The following SKOR2 variants were observed in gnomAD, a reference collection of about 807,000 sequenced individuals.
SKOR2 encodes the protein LBX1 corepressor 1-like protein.
In SKOR2, 47 loss-of-function variants were observed where a neutral mutation model predicts 69.1. The observed-to-expected ratio is 0.68, with a 90% CI of 0.54 to 0.87. The LOEUF (loss-of-function observed/expected upper bound fraction) is 0.87, where lower values mean the gene tolerates loss of function less well. Ranked by LOEUF, SKOR2 falls within the 40% of genes least tolerant of loss-of-function variation. The pLI, the probability that SKOR2 is intolerant of heterozygous loss-of-function variation, is 0.00. For missense variants in SKOR2, 1,404 were observed against 1,472.2 expected (o/e 0.95, Z 0.76); for synonymous variants, 717 against 672.6 (o/e 1.07, Z -1.02).
rs918936029 is a variant in SKOR2, at chr18:47,246,834, C to T, written c.2350G>A (p.Gly784Ser). 3.4e-6 allele frequency: 5 copies of T among 1,468,706 alleles called. No homozygotes were observed. The African/African-American group carries it at 7.3e-5, about 22-fold the overall frequency. The allele number at this position is 1,468,706 out of a possible 1,614,324, so 91.0% of individuals were successfully genotyped here. A position where few individuals can be genotyped will look rare whatever the true frequency, so the allele number is the denominator to read the frequency against. The change falls in exon 2 of 9, where the codon GGC (glycine) becomes AGC (serine). Residue 784 changes from glycine (G) to serine (S), a missense_variant. By Grantham distance (56) the Gly-to-Ser change is moderately conservative. Transcript: ENST00000425639. ...CCTCGGCCCTGGAGGAACCGGCCGC[C>T]CCCGACTAAGGGGTCGCCGAGTAGG... The part of the protein sequence containing the change: ...EVLLGDPLVG[G>S]GRFLQGRGPS...
intron 8 of SKOR2, among the ~76,000 whole-genome samples, chr18:47,210,182 G>A (rs1022198248): frequency 5.9e-5 from 9 of 152,160 alleles, no homozygotes; most frequent in Non-Finnish European, 2.9e-5. Context: ...TTTACATAAA[G>A]TTCAAAAACA....
At chr18:47,240,891 G>T (rs2064245579) in intron 4 of SKOR2, among the ~76,000 whole-genome samples, 1 of 152,142 alleles carries the variant, frequency 6.6e-6, no homozygotes. Flanking sequence ...GACTTATCAG[G>T]CAGTTTGAAA....
Position 47,248,350 on chromosome 18 carries a change from G to A in SKOR2, c.834C>T (p.Gly278=), listed in dbSNP as rs1189959538. ...AAVAGGGGLL[G]PHLLGAPPPP... is the part of the protein sequence containing the mutation. ...GCGGGGGCGCACCCAGCAGGTGGGG[G>A]CCCAGCAGACCCCCGCCTCCGGCCA... The change falls in exon 2 of 9, where the codon GGC becomes GGT. Residue 278 remains glycine (G), a synonymous_variant. Transcript: ENST00000425639. This position sits in a 1 kb window ranked among gnomAD's most constrained non-coding sequence, Gnocchi z 6.4. 8 of 1,261,596 alleles carry A rather than the reference G, an allele frequency of 6.3e-6. No individual in the cohort carries two copies. Among genetic ancestry groups the A allele is most frequent in the Middle Eastern group, 2.9e-4 (1 of 3,408 alleles). The allele number at this position is 1,261,596 out of a possible 1,614,324, so 78.2% of individuals were successfully genotyped here.
intron 6 of SKOR2, among the ~76,000 whole-genome samples, chr18:47,226,850 G>C (rs2064180434): frequency 6.6e-6 from 1 of 152,176 alleles, no homozygotes; most frequent in Non-Finnish European, 1.5e-5. Flanking sequence ...TATTGTTATA[G>C]TGTTGAAAAG....
rs938752363 is a variant in SKOR2, at chr18:47,247,286, G to A, written c.1898C>T (p.Ala633Val). ...CCCGTGCAGCTTGGCCAGGCTCTCC[G>A]CGTCGTCCTTGCCGCCCACTGGCCG... ...AFRPVGGKDD[A>V]ESLAKLHGAS... The change falls in exon 2 of 9, where the codon GCG (alanine) becomes GTG (valine). Residue 633 changes from alanine to valine, a missense_variant. By Grantham distance (64) the Ala-to-Val change is moderately conservative. This residue lies in a region of SKOR2 where 1,266 missense variants were observed against 1,309.9 expected (regional missense o/e 0.97). Coordinates refer to ENST00000425639, the MANE Select transcript of SKOR2 (RefSeq NM_001278063.4). The surrounding 1 kb of genome is among the most constrained non-coding windows in gnomAD (Gnocchi z 6.6). 4.7e-6 allele frequency: 7 copies of A among 1,482,492 alleles called. No individual in the cohort carries two copies. The African/African-American group carries it at 7.3e-5, about 15-fold the overall frequency. The allele number at this position is 1,482,492 out of a possible 1,614,324, so 91.8% of individuals were successfully genotyped here.
rs2064288749 is a variant in SKOR2, at chr18:47,247,883, A to G, written c.1301T>C (p.Leu434Pro). The change falls in exon 2 of 9, where the codon CTG becomes CCG. Residue 434 changes from leucine (L) to proline (P), a missense_variant. Physicochemically the swap from Leu to Pro is moderately conservative, Grantham distance 98 (BLOSUM62 -3). Coordinates refer to ENST00000425639, the MANE Select transcript of SKOR2 (RefSeq NM_001278063.4). The surrounding 1 kb of genome is among the most constrained non-coding windows in gnomAD (Gnocchi z 6.6). ...KEDAGAAAEALGGAGAGGAGA... is the reference protein window; with the variant it reads ...KEDAGAAAEAPGGAGAGGAGA... ...CGCGCCGCCTGCGCCCGCGCCCCCC[A>G]GGGCCTCAGCGGCGGCACCCGCATC... The G allele has an allele frequency of 2.2e-6, 3 of 1,358,200 alleles. No homozygotes were observed. The highest frequency in any genetic ancestry group is 1.8e-5 in the South Asian group (1 of 55,538). 84.1% of individuals were successfully genotyped at this position (1,358,200 alleles called of 1,614,324 possible).
chr18:47,251,561 A>G lies in SKOR2; in HGVS notation c.-235T>C, dbSNP rs973813091. 5 of 152,210 alleles carry G rather than the reference A, an allele frequency of 3.3e-5. No individual in the cohort carries two copies. The highest frequency in any genetic ancestry group is 1.2e-4 in the African/African-American group (5 of 41,456). The allele number at this position is 152,210 out of a possible 1,614,324, so 9.4% of individuals were successfully genotyped here. On this transcript the variant is annotated 5_prime_UTR_variant, in exon 1 of 9. Coordinates refer to ENST00000425639, the MANE Select transcript of SKOR2 (RefSeq NM_001278063.4). ...CGGCCTGGGGAGAATGACGGCCTGAATTGCGGCGGGGCGTCCCCTCCACCG... is the reference window on the plus strand; with the variant it reads ...CGGCCTGGGGAGAATGACGGCCTGAGTTGCGGCGGGGCGTCCCCTCCACCG...
At chr18:47,210,168 G>A (rs1009454368) in intron 8 of SKOR2, among the ~76,000 whole-genome samples, 2 of 152,300 alleles carry the variant, frequency 1.3e-5, no homozygotes, top group South Asian at 2.1e-4. Flanking sequence ...TCTATGCAAC[G>A]TCATTTACAT....
At chr18:47,242,090 C>A (rs2064251523) in intron 4 of SKOR2, among the ~76,000 whole-genome samples, 1 of 152,134 alleles carries the variant, frequency 6.6e-6, no homozygotes, top group Non-Finnish European at 1.5e-5. Flanking sequence ...ACAGTAGATA[C>A]CATGGTTTTT....
intron 4 of SKOR2, among the ~76,000 whole-genome samples, chr18:47,242,197 T>C (rs1265957905): frequency 3.3e-5 from 5 of 152,162 alleles, no homozygotes. Context: ...AGCCAGGAAT[T>C]TGTTTTCAAA....
intron 6 of SKOR2, among the ~76,000 whole-genome samples, chr18:47,220,984 C>G (rs779261645): frequency 6.6e-6 from 1 of 152,156 alleles, no homozygotes; most frequent in Non-Finnish European, 1.5e-5. Flanking sequence ...CACGTGCAGG[C>G]ACCTCATCCC....
chr18:47,214,485 T>C (rs1283684101), intron 7 of SKOR2, among the ~76,000 whole-genome samples: 1 of 152,042 alleles, frequency 6.6e-6, no homozygotes, highest in African/African-American at 2.4e-5. Flanking sequence ...ACAACAAAGA[T>C]AAAAAGCAAA....
chr18:47,248,914 C>A lies in SKOR2; in HGVS notation c.270G>T (p.Thr90=), dbSNP rs1048743661. The change falls in exon 2 of 9, where the codon ACG becomes ACT. Residue 90 remains threonine (T), a synonymous_variant. Transcript: ENST00000425639. This position sits in a 1 kb window ranked among gnomAD's most constrained non-coding sequence, Gnocchi z 6.4. ...IHNRRVALGI[T]CVQCTPVQLE... is the part of the protein sequence containing the mutation. Reference sequence around the variant, plus strand: ...GTTGCACCGGCGTGCACTGCACACACGTGATGCCCAGTGCCACGCGACGGT... The same window carrying A: ...GTTGCACCGGCGTGCACTGCACACAAGTGATGCCCAGTGCCACGCGACGGT... The A allele has an allele frequency of 2.5e-6, 4 of 1,573,224 alleles. No homozygotes were observed. In the African/African-American group the frequency reaches 4.0e-5, roughly 16 times the overall value.
intron 4 of SKOR2, among the ~76,000 whole-genome samples, chr18:47,235,780 C>CAA (rs11433396): frequency 0.066 from 3,933 of 59,188 alleles, 301 homozygotes; most frequent in African/African-American, 0.17. Context: ...CACAAACAAG[C>CAA]AAAAAAAAAA....
chr18:47,229,211 A>T (rs889685527), intron 6 of SKOR2, among the ~76,000 whole-genome samples: 1 of 152,216 alleles, frequency 6.6e-6, no homozygotes, highest in Non-Finnish European at 1.5e-5. Context: ...ATAATTATTT[A>T]AAAATCTTCC....
intron 4 of SKOR2, among the ~76,000 whole-genome samples, chr18:47,241,309 T>C (rs1289827441): frequency 2.6e-5 from 4 of 152,210 alleles, no homozygotes; most frequent in Non-Finnish European, 5.9e-5. Context: ...ATAAAACATT[T>C]GGCTGCTACC....
chr18:47,227,361 G>T (rs541645101), intron 6 of SKOR2, among the ~76,000 whole-genome samples: 3 of 125,034 alleles, frequency 2.4e-5, no homozygotes, highest in Non-Finnish European at 3.2e-5. Context: ...TTTTGGAGAC[G>T]GAGTCTCCCT....
rs965934344 is a variant in SKOR2 at position 47,233,770 on chromosome 18, T to A, written c.2753-2770A>T. The stretch of plus-strand genomic sequence containing the variant: ...TTATATTATGTTTCAGTTAGATAGT[T>A]GAATTTAAAAATTAAAATATGATAT... On this transcript the variant is annotated intron_variant, in intron 4 of 8. Coordinates refer to ENST00000425639, the MANE Select transcript of SKOR2 (RefSeq NM_001278063.4). Among the ~76,000 whole-genome samples the A allele has an allele frequency of 2.6e-5, 4 of 152,226 alleles. No individual in the cohort carries two copies. The East Asian group carries it at 7.7e-4, about 29-fold the overall frequency.
At chr18:47,250,707 C>CTCAAGCT (rs1157533190) in intron 1 of SKOR2, among the ~76,000 whole-genome samples, 1 of 152,176 alleles carries the variant, frequency 6.6e-6, no homozygotes, top group African/African-American at 2.4e-5. Context: ...ATTTGGCGGC[C>CTCAAGCT]TCCAGGAAGC....
Sources: gnomAD v4.1 joint callset for allele counts (sites outside exome capture counted in the v4.1 genomes callset) on GRCh38, gnomAD v4.1.1 for gene constraint, gnomAD v4.1.1 regional missense constraint, Gnocchi (gnomAD v3.1) non-coding constraint, MANE v1.5 for transcripts, NCBI Gene and HGNC (gene_info 2026-07-23, HGNC 2026-07-21) for gene names.